The following PPARGC1A variants were observed in gnomAD, a reference collection of about 807,000 sequenced individuals.
The protein encoded by PPARGC1A is PPARG coactivator 1 alpha.
PPARGC1A carries 25 observed loss-of-function variants against 88.7 expected under a neutral mutation model. That is an observed-to-expected ratio of 0.28 (90% CI 0.21 to 0.39). PPARGC1A has a LOEUF of 0.39. PPARGC1A is among the 10% of genes least tolerant of loss of function. The probability of loss-of-function intolerance (pLI) is 1.00; values close to 1 mark genes in which losing one functional copy is unlikely to be tolerated. For synonymous variants in PPARGC1A, 363 were observed against 355.6 expected (o/e 1.02, Z -0.24); for missense variants, 880 against 968.7 (o/e 0.91, Z 1.22).
At position 23,824,667 on chromosome 4, in the gene PPARGC1A, G is replaced by A. The variant is rs188658024; in HGVS notation, c.758-159C>T. Among the ~76,000 whole-genome samples the A allele has an allele frequency of 3.3e-5, 5 of 152,162 alleles. No individual in the cohort carries two copies. In the East Asian group the frequency reaches 9.7e-4, roughly 29 times the overall value. On this transcript the variant is annotated intron_variant, in intron 5 of 12. Coordinates refer to ENST00000264867, the MANE Select transcript of PPARGC1A (RefSeq NM_013261.5). ...TCAAAGTCAGACAAAAGTCCATTATGCTAAAACAAATTCCAAACAGCGTTT... is the reference window on the plus strand; with the variant it reads ...TCAAAGTCAGACAAAAGTCCATTATACTAAAACAAATTCCAAACAGCGTTT...
At chr4:23,866,855 G>C (rs774179205) in intron 2 of PPARGC1A, among the ~76,000 whole-genome samples, 1 of 151,960 alleles carries the variant, frequency 6.6e-6, no homozygotes, top group Non-Finnish European at 1.5e-5. Context: ...GATACCGCCC[G>C]GGGGTGCTTG....
the PPARGC1A span, among the ~76,000 whole-genome samples, chr4:24,008,042 T>C: frequency 6.6e-6 from 1 of 152,154 alleles, no homozygotes; most frequent in African/African-American, 2.4e-5. Flanking sequence ...TAAAGGTTCC[T>C]GCTGCAGATG....
chr4:24,057,388 T>C, the PPARGC1A span, among the ~76,000 whole-genome samples: 1 of 150,610 alleles, frequency 6.6e-6, no homozygotes, highest in East Asian at 2.0e-4. Context: ...ATTGTGGTGA[T>C]GGTTATACAG....
the PPARGC1A span, among the ~76,000 whole-genome samples, chr4:24,226,321 C>T: frequency 1.3e-5 from 2 of 152,192 alleles, no homozygotes; most frequent in Non-Finnish European, 2.9e-5. Flanking sequence ...AGCCTGCATC[C>T]TCTTTAATAG....
the PPARGC1A span, among the ~76,000 whole-genome samples, chr4:24,244,603 T>G: frequency 3.3e-5 from 5 of 152,182 alleles, no homozygotes; most frequent in Admixed American, 3.3e-4. Context: ...AGATTTTTCA[T>G]TAACAAAGAC....
At chr4:24,467,146 A>G in the PPARGC1A span, among the ~76,000 whole-genome samples, 1 of 151,754 alleles carries the variant, frequency 6.6e-6, no homozygotes, top group South Asian at 2.1e-4. Flanking sequence ...AAGGAAAGAA[A>G]AGCGAACAAT....
At chr4:24,175,145 T>C in the PPARGC1A span, among the ~76,000 whole-genome samples, 3 of 152,134 alleles carry the variant, frequency 2.0e-5, no homozygotes, top group East Asian at 3.9e-4. Flanking sequence ...TTAGAAAACA[T>C]ATCATTTACC....
upstream of PPARGC1A, among the ~76,000 whole-genome samples, chr4:23,899,675 G>T (rs1309343682): frequency 1.3e-5 from 2 of 152,168 alleles, no homozygotes; most frequent in African/African-American, 2.4e-5. Context: ...CATAAAAGGT[G>T]CATACGTTAT....
At chr4:24,434,225 T>C in the PPARGC1A span, among the ~76,000 whole-genome samples, 1 of 152,168 alleles carries the variant, frequency 6.6e-6, no homozygotes. Flanking sequence ...TTTTTAACAG[T>C]TTGGCAGTGA....
the PPARGC1A span, among the ~76,000 whole-genome samples, chr4:24,386,818 A>G: frequency 6.6e-6 from 1 of 152,356 alleles, no homozygotes; most frequent in South Asian, 2.1e-4. Flanking sequence ...CATACTGCCT[A>G]AAGTAATTTA....
chr4:24,052,219 T>C, the PPARGC1A span, among the ~76,000 whole-genome samples: 7 of 152,188 alleles, frequency 4.6e-5, no homozygotes, highest in Non-Finnish European at 1.5e-5. Flanking sequence ...GTAGTAGGCA[T>C]TCAGATGTTC....
At chr4:24,074,672 C>A in the PPARGC1A span, among the ~76,000 whole-genome samples, 1 of 152,030 alleles carries the variant, frequency 6.6e-6, no homozygotes, top group Non-Finnish European at 1.5e-5. Context: ...TCCTAGAATT[C>A]TCTGAAATGT....
the PPARGC1A span, among the ~76,000 whole-genome samples, chr4:23,915,279 G>A: frequency 3.3e-5 from 5 of 152,038 alleles, no homozygotes; most frequent in Non-Finnish European, 7.4e-5. Flanking sequence ...AAATGAACAG[G>A]GAAGTAAATG....
the PPARGC1A span, among the ~76,000 whole-genome samples, chr4:23,940,163 T>C: frequency 4.6e-5 from 7 of 152,342 alleles, no homozygotes; most frequent in African/African-American, 1.4e-4. Context: ...CAGTAATTAA[T>C]TTATCAAACA....
At chr4:24,091,050 T>C in the PPARGC1A span, among the ~76,000 whole-genome samples, 1 of 152,156 alleles carries the variant, frequency 6.6e-6, no homozygotes, top group Non-Finnish European at 1.5e-5. Context: ...TAAAAATAGG[T>C]TAAAACCAAG....
At chr4:24,181,984 C>T in the PPARGC1A span, among the ~76,000 whole-genome samples, 32 of 151,996 alleles carry the variant, frequency 2.1e-4, no homozygotes, top group African/African-American at 7.3e-4. Flanking sequence ...CTTGGCACCT[C>T]ACTTTTTTTT....
the PPARGC1A span, among the ~76,000 whole-genome samples, chr4:24,145,226 A>G: frequency 2.0e-5 from 3 of 152,078 alleles, no homozygotes; most frequent in African/African-American, 7.2e-5. Context: ...GAATGAAGAG[A>G]TGAACCACTT....
chr4:24,341,029 C>A, the PPARGC1A span, among the ~76,000 whole-genome samples: 4 of 152,010 alleles, frequency 2.6e-5, no homozygotes, highest in Admixed American at 6.6e-5. Context: ...TTCTGAAACA[C>A]CCAAGAACTT....
At chr4:23,906,493 A>T (rs752576664), upstream of PPARGC1A, among the ~76,000 whole-genome samples, 19 of 151,282 alleles carry the variant, frequency 1.3e-4, no homozygotes, top group Non-Finnish European at 2.4e-4. Flanking sequence ...CATGCCTGTA[A>T]TCCCAGCTAC....
Sources: gnomAD v4.1 joint callset for allele counts (sites outside exome capture counted in the v4.1 genomes callset) on GRCh38, gnomAD v4.1.1 for gene constraint, MANE v1.5 for transcripts, NCBI Gene and HGNC (gene_info 2026-07-23, HGNC 2026-07-21) for gene names.